BEND6: variants seen among roughly 807,000 people sequenced by gnomAD.
The protein encoded by BEND6 is BEN domain-containing protein 6.
Under a neutral mutation model 31.8 loss-of-function variants are expected in BEND6, and 24 were observed. That is an observed-to-expected ratio of 0.75 (90% confidence interval 0.55 to 1.06). The LOEUF (loss-of-function observed/expected upper bound fraction) is 1.06. Among genes scored for constraint, BEND6 ranks in the 50% least tolerant of loss-of-function variants. BEND6 has a pLI of 0.00. For synonymous variants in BEND6, 109 were observed against 114.6 expected (o/e 0.95, Z 0.31); for missense variants, 294 against 327.4 (o/e 0.90, Z 0.79).
chr6:56,958,298 C>T (rs988650024), intron 1 of BEND6, among the ~76,000 whole-genome samples: 1 of 152,074 alleles, frequency 6.6e-6, no homozygotes, highest in East Asian at 1.9e-4. Context: ...TTTAAAAAGG[C>T]GGCAGAAACA....
chr6:57,013,432 C>T (rs1827415794), intron 3 of BEND6, among the ~76,000 whole-genome samples: 1 of 152,172 alleles, frequency 6.6e-6, no homozygotes, highest in Non-Finnish European at 1.5e-5. Context: ...CTCACCAGAG[C>T]TCTACTGTCC....
intron 6 of BEND6, among the ~76,000 whole-genome samples, chr6:57,021,922 T>C (rs1827756042): frequency 6.6e-6 from 1 of 152,132 alleles, no homozygotes; most frequent in Admixed American, 6.5e-5. Flanking sequence ...TTTTTGATTG[T>C]CAAAACTGGT....
Position 56,975,782 on chromosome 6 carries a change from C to G in BEND6, c.-100-5929C>G, listed in dbSNP as rs115197371. 3.6e-3 allele frequency: 1,922 copies of G among 528,920 alleles called. 29 individuals are homozygous for G. The highest frequency in any genetic ancestry group is 0.033 in the African/African-American group (1,730 of 51,894). 32.8% of individuals were successfully genotyped at this position (528,920 alleles called of 1,614,324 possible). ...TAAACCTCCCATTTTAAACAGGAAG[C>G]TGGATGCAAGTCCTTCCATAATATA... On this transcript the variant is annotated intron_variant, in intron 1 of 6. Transcript: ENST00000370746.
chr6:56,967,707 C>A (rs188507338), intron 1 of BEND6, among the ~76,000 whole-genome samples: 1 of 152,250 alleles, frequency 6.6e-6, no homozygotes, highest in East Asian at 1.9e-4. Flanking sequence ...TACTACAGGG[C>A]AAACTTAGGC....
Position 57,015,241 on chromosome 6 carries a change from CA to C in BEND6, c.410del (p.Asn137ThrfsTer25). 1 of 1,614,142 alleles carries C rather than the reference CA, an allele frequency of 6.2e-7. No homozygotes were observed. The highest frequency in any genetic ancestry group is 8.5e-7 in the Non-Finnish European group (1 of 1,180,012). The part of the protein sequence containing the change: ...STSASTLWRA[T>X]NNSSPDSFAS... ...TCTGCATCCACCCTCTGGAGAGCAACAAACAACTCCTCGCCAGATTCATTTG... is the reference window on the plus strand; with the variant it reads ...TCTGCATCCACCCTCTGGAGAGCAACAACAACTCCTCGCCAGATTCATTTG... On this transcript the variant is annotated frameshift_variant, in exon 4 of 7. Coordinates refer to ENST00000370746, the MANE Select transcript of BEND6 (RefSeq NM_152731.3). LOFTEE classifies it high-confidence loss of function.
chr6:56,970,975 A>G (rs948041184), intron 1 of BEND6, among the ~76,000 whole-genome samples: 1 of 152,242 alleles, frequency 6.6e-6, no homozygotes, highest in African/African-American at 2.4e-5. Flanking sequence ...TAAAACACAC[A>G]TAACATAAAA....
At chr6:57,010,678 C>T in intron 3 of BEND6, 1 of 924,406 alleles carries the variant, frequency 1.1e-6, no homozygotes, top group Non-Finnish European at 1.3e-6. Context: ...TTAAAATTTT[C>T]CATTAAAAGT....
intron 4 of BEND6, among the ~76,000 whole-genome samples, chr6:57,016,525 C>T (rs1272090486): frequency 6.6e-6 from 1 of 152,120 alleles, no homozygotes; most frequent in Non-Finnish European, 1.5e-5. Context: ...AACTGAATTC[C>T]CCATTTTCTT....
At chr6:56,955,826 G>T (rs1824806232) in intron 1 of BEND6, among the ~76,000 whole-genome samples, 1 of 152,198 alleles carries the variant, frequency 6.6e-6, no homozygotes, top group East Asian at 1.9e-4. Flanking sequence ...TTTAGGGAGT[G>T]TGAGGCAATA....
chr6:56,966,301 C>A (rs550069459), intron 1 of BEND6, among the ~76,000 whole-genome samples: 1 of 152,208 alleles, frequency 6.6e-6, no homozygotes, highest in Admixed American at 6.5e-5. Flanking sequence ...GAAGTTTCAC[C>A]ATGTTGTCCA....
chr6:56,957,921 TAACTC>T (rs1336655217), intron 1 of BEND6, among the ~76,000 whole-genome samples: 2 of 152,204 alleles, frequency 1.3e-5, no homozygotes, highest in East Asian at 3.8e-4. Context: ...AATATTGTGT[TAACTC>T]TATTCAAGAT....
intron 3 of BEND6, chr6:57,008,446 A>T: frequency 1.8e-6 from 1 of 560,866 alleles, no homozygotes; most frequent in Non-Finnish European, 3.2e-6. Flanking sequence ...TGTCTGTGTA[A>T]CTGGAGTGCT....
intron 3 of BEND6, chr6:57,014,516 CTT>C: frequency 6.6e-7 from 1 of 1,520,752 alleles, no homozygotes; most frequent in Non-Finnish European, 8.8e-7. Flanking sequence ...GGCATGAAAA[CTT>C]TGAATGTGTA....
chr6:57,022,340 A>G (rs1238871971), intron 6 of BEND6, among the ~76,000 whole-genome samples: 2 of 151,744 alleles, frequency 1.3e-5, no homozygotes, highest in Admixed American at 6.6e-5. Flanking sequence ...CTATTTCTTC[A>G]TGGTTCAATC....
chr6:57,014,675 G>T (rs1444942022), intron 3 of BEND6: 23 of 611,562 alleles, frequency 3.8e-5, no homozygotes, highest in Non-Finnish European at 6.1e-5. Context: ...ATACACGAAG[G>T]TCATAGAAAA....
At chr6:57,014,825 C>T (rs1030584617) in intron 3 of BEND6, among the ~76,000 whole-genome samples, 11 of 152,100 alleles carry the variant, frequency 7.2e-5, no homozygotes, top group Non-Finnish European at 1.5e-4. Context: ...AAATAAAACC[C>T]CTAGCAACTA....
chr6:56,962,132 C>G (rs1193861062), intron 1 of BEND6, among the ~76,000 whole-genome samples: 4 of 152,140 alleles, frequency 2.6e-5, no homozygotes, highest in Non-Finnish European at 5.9e-5. Context: ...TTCTCTCTCT[C>G]ATCTTCATCT....
chr6:57,009,109 A>G (rs1277043059), intron 3 of BEND6: 1 of 152,216 alleles, frequency 6.6e-6, no homozygotes, highest in East Asian at 1.9e-4. Flanking sequence ...AAAGTAGAAC[A>G]GAGGATACAA....
chr6:57,024,899 C>A (rs1012488326), intron 6 of BEND6, among the ~76,000 whole-genome samples: 1 of 152,148 alleles, frequency 6.6e-6, no homozygotes, highest in East Asian at 1.9e-4. Context: ...TCATTCCTCT[C>A]ATTCTTGTTT....
Sources: allele counts gnomAD v4.1 joint callset (sites outside exome capture counted in the v4.1 genomes callset), GRCh38; gene constraint gnomAD v4.1.1; transcripts MANE v1.5; gene names NCBI Gene and HGNC (gene_info 2026-07-23, HGNC 2026-07-21).